The following GLIS1 variants were observed in gnomAD, a reference collection of about 807,000 sequenced individuals.
GLIS1 encodes zinc finger protein GLIS1.
GLIS1 carries 24 observed loss-of-function variants against 63.8 expected under a neutral mutation model. The ratio of observed to expected loss-of-function variants is 0.38; its 90% CI spans 0.27 to 0.53. The LOEUF is 0.53. GLIS1 is among the 20% of genes least tolerant of loss of function. The pLI is 0.85. For missense variants in GLIS1, 1,036 were observed against 1,074.1 expected, an observed-to-expected ratio of 0.96 and a Z score of 0.50; for synonymous variants, 450 against 482.5, an observed-to-expected ratio of 0.93 and a Z score of 0.88.
intron 4 of GLIS1, among the ~76,000 whole-genome samples, chr1:53,562,573 G>T (rs1644902628): frequency 6.6e-6 from 1 of 152,082 alleles, no homozygotes; most frequent in Non-Finnish European, 1.5e-5. Flanking sequence ...CACCCTCTCA[G>T]CTGAGTCCCA....
intron 5 of GLIS1, among the ~76,000 whole-genome samples, chr1:53,525,905 C>T (rs1644463648): frequency 6.6e-6 from 1 of 152,190 alleles, no homozygotes; most frequent in Non-Finnish European, 1.5e-5. Context: ...CTCAGTGTCC[C>T]TCTTCTCAGC....
intron 7 of GLIS1, among the ~76,000 whole-genome samples, chr1:53,518,454 T>C (rs1644374463): frequency 6.6e-6 from 1 of 152,182 alleles, no homozygotes; most frequent in Admixed American, 6.5e-5. Context: ...CTGTGCATGA[T>C]TGTAAGGTGG....
rs1386928266 is a variant in GLIS1, at chr1:53,594,686, T to TG, written c.741dup (p.Thr248HisfsTer59). ...CAGGGTGAGGAGGAGGCTGGGGAGG[T>TG]GGGGGGTAGGCCCAAGACGCAGCAC... On this transcript the variant is annotated frameshift_variant, in exon 4 of 11. Coordinates refer to ENST00000628545, the MANE Select transcript of GLIS1 (RefSeq NM_001367484.1). LOFTEE classifies it high-confidence loss of function. 1 of 1,536,456 alleles carries TG rather than the reference T, an allele frequency of 6.5e-7. No individual in the cohort carries two copies. The highest frequency in any genetic ancestry group is 8.8e-7 in the Non-Finnish European group (1 of 1,139,214).
At chr1:53,632,450 T>C (rs1258803031) in intron 2 of GLIS1, among the ~76,000 whole-genome samples, 1 of 130,548 alleles carries the variant, frequency 7.7e-6, no homozygotes, top group Non-Finnish European at 1.6e-5. Flanking sequence ...GTGTAATGAG[T>C]GTGACTGGGG....
chr1:53,593,569 C>T (rs1178699297), intron 4 of GLIS1, among the ~76,000 whole-genome samples: 1 of 152,238 alleles, frequency 6.6e-6, no homozygotes, highest in Non-Finnish European at 1.5e-5. Flanking sequence ...TGGGCCCCAG[C>T]CCAAACCCTG....
intron 2 of GLIS1, among the ~76,000 whole-genome samples, chr1:53,632,576 A>ATG (rs1645668892): frequency 7.5e-6 from 1 of 133,428 alleles, no homozygotes; most frequent in African/African-American, 2.9e-5. Flanking sequence ...ACTGAGGGGC[A>ATG]TGTGAATGAG....
chr1:53,614,805 C>T (rs578094950), intron 2 of GLIS1, among the ~76,000 whole-genome samples: 8 of 151,626 alleles, frequency 5.3e-5, no homozygotes, highest in African/African-American at 1.9e-4. Context: ...CACACACGCA[C>T]ACACATGCAC....
intron 4 of GLIS1, among the ~76,000 whole-genome samples, chr1:53,553,551 C>T (rs968305466): frequency 2.6e-5 from 4 of 152,208 alleles, no homozygotes; most frequent in Admixed American, 6.5e-5. Flanking sequence ...TTGACACAGA[C>T]AGCAACCAAG....
chr1:53,711,359 G>A (rs901389443), intron 2 of GLIS1, among the ~76,000 whole-genome samples: 6 of 151,934 alleles, frequency 3.9e-5, no homozygotes, highest in Admixed American at 6.6e-5. Context: ...CCATCACAGT[G>A]GACCCCATCA....
At chr1:53,623,301 G>A (rs1645564726) in intron 2 of GLIS1, among the ~76,000 whole-genome samples, 1 of 152,108 alleles carries the variant, frequency 6.6e-6, no homozygotes, top group Non-Finnish European at 1.5e-5. Context: ...GAATAAAGAA[G>A]AGCCATATGA....
intron 2 of GLIS1, among the ~76,000 whole-genome samples, chr1:53,719,781 C>T (rs1157028803): frequency 3.3e-5 from 5 of 152,108 alleles, no homozygotes. Flanking sequence ...TTATGGAAAA[C>T]AGTATAAAGG....
rs3006880 is a variant in GLIS1 at position 53,681,667 on chromosome 1, T to A, written c.259+56139A>T. On this transcript the variant is annotated intron_variant, in intron 2 of 10. Transcript: ENST00000628545. ...CTTTTCAAGGACTACTAAGGAGAGG[T>A]AGGAAAAGGGCTTGAGCCCACCAGT... is the stretch of plus-strand genomic sequence containing the variant. 3.3e-5 allele frequency among the ~76,000 whole-genome samples: 5 copies of A among 152,300 alleles called. No homozygotes were observed. In the East Asian group the frequency reaches 9.7e-4, roughly 29 times the overall value.
chr1:53,559,496 A>T (rs1644864468), intron 4 of GLIS1, among the ~76,000 whole-genome samples: 7 of 152,020 alleles, frequency 4.6e-5, no homozygotes. Flanking sequence ...CCCTGCCCTG[A>T]TCCTGCCAGG....
chr1:53,531,925 G>T (rs1276973994), intron 4 of GLIS1, among the ~76,000 whole-genome samples: 1 of 152,190 alleles, frequency 6.6e-6, no homozygotes, highest in Non-Finnish European at 1.5e-5. Context: ...AGATAGTGGG[G>T]TGACGCACAC....
chr1:53,728,212 G>A (rs1328453650), intron 2 of GLIS1, among the ~76,000 whole-genome samples: 1 of 152,170 alleles, frequency 6.6e-6, no homozygotes, highest in African/African-American at 2.4e-5. Context: ...ACTTCAAAGA[G>A]GAGGTGGCAT....
chr1:53,663,345 C>T (rs575593456), intron 2 of GLIS1, among the ~76,000 whole-genome samples: 1 of 152,384 alleles, frequency 6.6e-6, no homozygotes, highest in African/African-American at 2.4e-5. Context: ...AAACCCATAT[C>T]AGAGGCCTGG....
chr1:53,647,573 T>G (rs995842526), intron 2 of GLIS1, among the ~76,000 whole-genome samples: 1 of 151,810 alleles, frequency 6.6e-6, no homozygotes, highest in Admixed American at 6.5e-5. Context: ...CGTATTTAGA[T>G]GGACTATACA....
chr1:53,587,151 ACT>A (rs529781075), intron 4 of GLIS1, among the ~76,000 whole-genome samples: 14 of 152,278 alleles, frequency 9.2e-5, no homozygotes, highest in African/African-American at 2.6e-4. Flanking sequence ...GAGAATGCAG[ACT>A]CTCTAGGAAT....
intron 2 of GLIS1, among the ~76,000 whole-genome samples, chr1:53,737,301 T>C (rs1162324110): frequency 6.6e-6 from 1 of 152,208 alleles, no homozygotes; most frequent in African/African-American, 2.4e-5. Flanking sequence ...GGATTGCTGA[T>C]GCAGAAAATT....
Sources: gnomAD v4.1 joint callset for allele counts (sites outside exome capture counted in the v4.1 genomes callset) on GRCh38, gnomAD v4.1.1 for gene constraint, MANE v1.5 for transcripts, NCBI Gene and HGNC (gene_info 2026-07-23, HGNC 2026-07-21) for gene names.